The following CNTN5 variants were observed in gnomAD, a reference collection of about 807,000 sequenced individuals.
The protein encoded by CNTN5 is contactin 5.
CNTN5 carries 77 observed loss-of-function variants against 129.1 expected under a neutral mutation model. That is an observed-to-expected ratio of 0.60 (90% CI 0.50 to 0.72). The LOEUF is 0.72. Among genes scored for constraint, CNTN5 ranks in the 30% least tolerant of loss-of-function variants. The pLI is 0.00. For missense variants in CNTN5, 1,478 were observed against 1,328.8 expected (o/e 1.11, Z -1.75); for synonymous variants, 509 against 465.6 (o/e 1.09, Z -1.20).
chr11:99,141,739 A>G (rs1052260692), intron 1 of CNTN5, among the ~76,000 whole-genome samples: 1 of 151,982 alleles, frequency 6.6e-6, no homozygotes, highest in Non-Finnish European at 1.5e-5. Context: ...TTCTTCCTTA[A>G]TTGGATTGTT....
At chr11:99,712,662 G>A (rs878892219) in intron 3 of CNTN5, among the ~76,000 whole-genome samples, 3 of 152,044 alleles carry the variant, frequency 2.0e-5, no homozygotes, top group African/African-American at 2.4e-5. Context: ...TGTATAAGGT[G>A]TAAGGAAGGG....
intron 6 of CNTN5, among the ~76,000 whole-genome samples, chr11:99,855,323 C>T (rs887946919): frequency 6.6e-6 from 1 of 151,998 alleles, no homozygotes; most frequent in African/African-American, 2.4e-5. Flanking sequence ...AGCAAACAAA[C>T]AACAACAACA....
At chr11:99,998,813 G>T (rs1270008711) in intron 8 of CNTN5, among the ~76,000 whole-genome samples, 2 of 150,966 alleles carry the variant, frequency 1.3e-5, no homozygotes, top group African/African-American at 2.4e-5. Flanking sequence ...CAGAGATATA[G>T]ACCAATGGAA....
At chr11:100,178,275 C>A (rs545835706) in intron 13 of CNTN5, among the ~76,000 whole-genome samples, 1 of 152,200 alleles carries the variant, frequency 6.6e-6, no homozygotes, top group African/African-American at 2.4e-5. Context: ...TATTTCTTTT[C>A]TATCTTATAA....
chr11:99,454,041 C>A (rs373054905), intron 2 of CNTN5, among the ~76,000 whole-genome samples: 4 of 152,252 alleles, frequency 2.6e-5, no homozygotes, highest in African/African-American at 9.6e-5. Flanking sequence ...AAATACCCAG[C>A]TCTAAAATTT....
intron 2 of CNTN5, among the ~76,000 whole-genome samples, chr11:99,476,274 T>G (rs1945369235): frequency 6.6e-6 from 1 of 152,284 alleles, no homozygotes; most frequent in African/African-American, 2.4e-5. Context: ...TATTAATATT[T>G]ATCTACTTTC....
intron 1 of CNTN5, among the ~76,000 whole-genome samples, chr11:99,221,758 G>C (rs2135703897): frequency 6.6e-6 from 1 of 151,894 alleles, no homozygotes; most frequent in East Asian, 1.9e-4. Context: ...GAGTAATTTT[G>C]AACTAACATA....
At chr11:99,259,095 A>C (rs981969591) in intron 1 of CNTN5, among the ~76,000 whole-genome samples, 2 of 151,908 alleles carry the variant, frequency 1.3e-5, no homozygotes, top group Admixed American at 1.3e-4. Flanking sequence ...ATATGAATGA[A>C]TAACATACAC....
intron 1 of CNTN5, among the ~76,000 whole-genome samples, chr11:99,222,860 G>T (rs1281931392): frequency 1.3e-5 from 2 of 152,078 alleles, no homozygotes; most frequent in Admixed American, 6.6e-5. Context: ...TGATTTAAGT[G>T]TTCTTTAATA....
intron 6 of CNTN5, among the ~76,000 whole-genome samples, chr11:99,882,902 ACT>A (rs1445312187): frequency 1.3e-5 from 2 of 151,562 alleles, no homozygotes; most frequent in Non-Finnish European, 2.9e-5. Flanking sequence ...CCATCTTTGT[ACT>A]CTCTATCTTC....
rs80165057 is a variant in CNTN5, at chr11:99,516,321, T to C, written c.-70-39824T>C. Among the ~76,000 whole-genome samples, 835 of 152,234 alleles carry C rather than the reference T, an allele frequency of 5.5e-3. 11 individuals carry two copies. Among genetic ancestry groups the C allele is most frequent in the African/African-American group, 0.019 (804 of 41,556 alleles). On this transcript the variant is annotated intron_variant, in intron 2 of 24. Coordinates refer to ENST00000524871, the MANE Select transcript of CNTN5 (RefSeq NM_014361.4). ...TCTCAAACTAAGAGTCTATTTTATA[T>C]TGGCAAAAATTTTCCTAATAACCTT...
At chr11:99,700,518 C>A (rs947069258) in intron 3 of CNTN5, among the ~76,000 whole-genome samples, 1 of 151,286 alleles carries the variant, frequency 6.6e-6, no homozygotes, top group Non-Finnish European at 1.5e-5. Context: ...TTTATCTCAC[C>A]TAGCTCTAAA....
At position 99,901,282 on chromosome 11, in the gene CNTN5, T is replaced by C. The variant is rs58641784; in HGVS notation, c.578-14772T>C. The stretch of plus-strand genomic sequence containing the variant: ...AAGATTTTCTGAGAACTTCTTTTGG[T>C]CATACATTTTCTATTTTTTTTTTCT... On this transcript the variant is annotated intron_variant, in intron 6 of 24. Transcript: ENST00000524871. 9.9e-5 allele frequency among the ~76,000 whole-genome samples: 15 copies of C among 152,166 alleles called. 1 individual carries two copies. In the East Asian group the frequency reaches 2.9e-3, roughly 29 times the overall value.
At chr11:99,162,228 C>T (rs1294980459) in intron 1 of CNTN5, among the ~76,000 whole-genome samples, 1 of 151,858 alleles carries the variant, frequency 6.6e-6, no homozygotes, top group Non-Finnish European at 1.5e-5. Flanking sequence ...CCAGTTCTCC[C>T]CAGTAAAACA....
intron 17 of CNTN5, among the ~76,000 whole-genome samples, chr11:100,262,579 G>A (rs746827783): frequency 4.6e-5 from 7 of 152,138 alleles, no homozygotes; most frequent in Non-Finnish European, 7.3e-5. Flanking sequence ...AGAAAATGTG[G>A]CACATATATG....
At chr11:99,160,247 T>A (rs1256715773) in intron 1 of CNTN5, among the ~76,000 whole-genome samples, 3 of 152,224 alleles carry the variant, frequency 2.0e-5, no homozygotes, top group Non-Finnish European at 4.4e-5. Flanking sequence ...AGACTGTTGA[T>A]AATTTGGGAA....
intron 3 of CNTN5, among the ~76,000 whole-genome samples, chr11:99,780,255 G>C (rs1197153339): frequency 6.6e-6 from 1 of 151,890 alleles, no homozygotes; most frequent in Non-Finnish European, 1.5e-5. Flanking sequence ...TCATACGTTA[G>C]TATATTTACA....
intron 1 of CNTN5, among the ~76,000 whole-genome samples, chr11:99,132,271 T>C (rs1437493198): frequency 2.0e-5 from 3 of 151,766 alleles, no homozygotes; most frequent in Non-Finnish European, 1.5e-5. Context: ...ACAAGAGCCA[T>C]TTATGACAAA....
chr11:99,558,549 G>A (rs754247904), intron 3 of CNTN5, among the ~76,000 whole-genome samples: 3 of 151,896 alleles, frequency 2.0e-5, no homozygotes, highest in African/African-American at 2.4e-5. Context: ...TCATTCTCTT[G>A]TATTTGTCCA....
Sources: gnomAD v4.1 joint callset for allele counts (sites outside exome capture counted in the v4.1 genomes callset) on GRCh38, gnomAD v4.1.1 for gene constraint, MANE v1.5 for transcripts, NCBI Gene and HGNC (gene_info 2026-07-23, HGNC 2026-07-21) for gene names.